The following ARFGEF2 variants were observed in gnomAD, a reference collection of about 807,000 sequenced individuals.
ARFGEF2 encodes the protein brefeldin A-inhibited guanine nucleotide-exchange protein 2.
ARFGEF2 carries 74 observed loss-of-function variants against 219.9 expected under a neutral mutation model. That is an observed-to-expected ratio of 0.34 (90% CI 0.28 to 0.41). ARFGEF2 has a LOEUF of 0.41. Among genes scored for constraint, ARFGEF2 ranks in the 10% least tolerant of loss-of-function variants. The pLI, the probability that ARFGEF2 is intolerant of heterozygous loss-of-function variation, is 1.00. For synonymous variants in ARFGEF2, 733 were observed against 799.2 expected, an observed-to-expected ratio of 0.92 and a Z score of 1.40; for missense variants, 1,743 against 2,218.3, an observed-to-expected ratio of 0.79 and a Z score of 4.30.
intron 6 of ARFGEF2, among the ~76,000 whole-genome samples, chr20:48,954,943 T>C (rs2091097339): frequency 6.6e-6 from 1 of 152,194 alleles, no homozygotes; most frequent in Non-Finnish European, 1.5e-5. Flanking sequence ...CTGTGATCAG[T>C]CAATAAATAT....
rs539237008 is a variant in ARFGEF2 at position 48,993,666 on chromosome 20, G to T, written c.2974-785G>T. Among the ~76,000 whole-genome samples the T allele has an allele frequency of 1.4e-4, 21 of 152,288 alleles. No homozygotes were observed. The South Asian group carries it at 4.4e-3, about 32-fold the overall frequency. On this transcript the variant is annotated intron_variant, in intron 21 of 38. Transcript: ENST00000371917. Reference sequence around the variant, plus strand: ...CATGTAGCCAGTGTTTCCTCTGACAGAAGTTGGGACCAGTTTCTGTTTCTA... The same window carrying T: ...CATGTAGCCAGTGTTTCCTCTGACATAAGTTGGGACCAGTTTCTGTTTCTA...
intron 1 of ARFGEF2, 35 bp downstream of exon 1, chr20:48,922,045 C>T: frequency 1.3e-6 from 2 of 1,561,888 alleles, no homozygotes. Context: ...CCCGCGCTGG[C>T]CTCAGCACGT....
At chr20:48,965,060 T>C (rs1348083749) in intron 7 of ARFGEF2, among the ~76,000 whole-genome samples, 1 of 152,230 alleles carries the variant, frequency 6.6e-6, no homozygotes, top group Non-Finnish European at 1.5e-5. Context: ...TATATACATA[T>C]TCTATTATTT....
At chr20:48,994,662 C>T in intron 22 of ARFGEF2, 64 bp downstream of exon 22, 6 of 1,597,828 alleles carry the variant, frequency 3.8e-6, no homozygotes, top group Non-Finnish European at 5.1e-6. Flanking sequence ...TGAAACCCTT[C>T]TTGTCTCATC....
At chr20:48,958,677 C>T (rs1186401631) in intron 6 of ARFGEF2, among the ~76,000 whole-genome samples, 2 of 152,054 alleles carry the variant, frequency 1.3e-5, no homozygotes, top group African/African-American at 4.8e-5. Flanking sequence ...CTCCTGACCT[C>T]GTGATCTGCC....
intron 6 of ARFGEF2, among the ~76,000 whole-genome samples, chr20:48,960,379 A>C (rs2091139664): frequency 6.6e-6 from 1 of 152,228 alleles, no homozygotes. Flanking sequence ...CCAGTGAGTC[A>C]GTGAGTGAGC....
At chr20:48,999,987 A>G (rs2091415467) in intron 25 of ARFGEF2, among the ~76,000 whole-genome samples, 2 of 152,186 alleles carry the variant, frequency 1.3e-5, no homozygotes, top group South Asian at 2.1e-4. Context: ...GTAGTCTACC[A>G]TTGGGGTATA....
At chr20:48,962,573 G>T (rs2091160501) in intron 6 of ARFGEF2, among the ~76,000 whole-genome samples, 1 of 152,178 alleles carries the variant, frequency 6.6e-6, no homozygotes, top group Non-Finnish European at 1.5e-5. Flanking sequence ...GAGTAACAGT[G>T]ATCTAGTCTA....
In ARFGEF2 at chr20:48,999,102, G is replaced by T. The variant is rs972722309; in HGVS notation, c.3432+597G>T. 4 of 326,446 alleles carry T rather than the reference G, an allele frequency of 1.2e-5. No individual in the cohort carries two copies. The Admixed American group carries it at 1.8e-4, about 15-fold the overall frequency. 20.2% of individuals were successfully genotyped at this position (326,446 alleles called of 1,614,324 possible). A position where few individuals can be genotyped will look rare whatever the true frequency, so the allele number is the denominator to read the frequency against. ...AATGCAAAAAAATTAGCTGGGCGTG[G>T]TGGTGTGCACCTGTAATCCCAGCTA... is the stretch of plus-strand genomic sequence containing the variant. On this transcript the variant is annotated intron_variant, in intron 25 of 38. Coordinates refer to ENST00000371917, the MANE Select transcript of ARFGEF2 (RefSeq NM_006420.3).
At chr20:48,987,004 T>A (rs950248430) in intron 16 of ARFGEF2, among the ~76,000 whole-genome samples, 6 of 152,224 alleles carry the variant, frequency 3.9e-5, no homozygotes, top group African/African-American at 1.4e-4. Flanking sequence ...CACACCTGAT[T>A]GAAACATTTT....
In ARFGEF2 at chr20:49,006,922, C is replaced by T. The variant is rs570433012; in HGVS notation, c.3584+1701C>T. Among the ~76,000 whole-genome samples the T allele has an allele frequency of 1.7e-4, 26 of 151,762 alleles. No individual in the cohort carries two copies. The South Asian group carries it at 2.7e-3, about 16-fold the overall frequency. On this transcript the variant is annotated intron_variant, in intron 26 of 38. Transcript: ENST00000371917. ...CGGAGTCTCTCCTGACCTCATGATC[C>T]GCCCACCTGGGCCTCCCAAAGTGCT...
intron 34 of ARFGEF2, among the ~76,000 whole-genome samples, chr20:49,019,853 G>A (rs2091555017): frequency 6.6e-6 from 1 of 152,034 alleles, no homozygotes; most frequent in Non-Finnish European, 1.5e-5. Flanking sequence ...TGGTTTGGAG[G>A]AGCTCTTATG....
In ARFGEF2 at chr20:49,019,178, G is replaced by A. The variant is rs730543; in HGVS notation, c.4624+180G>A. ...ACCTTTCCAGAGTCATTTTATCCAT[G>A]TGCAGGCAAGTACATGCACATATAC... is the stretch of plus-strand genomic sequence containing the variant. On this transcript the variant is annotated intron_variant, in intron 34 of 38. Coordinates refer to ENST00000371917, the MANE Select transcript of ARFGEF2 (RefSeq NM_006420.3). Among the ~76,000 whole-genome samples, 91,411 of 151,926 alleles carry A rather than the reference G, an allele frequency of 0.6. 27,566 individuals are homozygous for A. Among genetic ancestry groups the A allele is most frequent in the East Asian group, 0.66 (3,420 of 5,168 alleles).
At chr20:48,942,840 C>G (rs2091002216) in intron 3 of ARFGEF2, among the ~76,000 whole-genome samples, 1 of 152,104 alleles carries the variant, frequency 6.6e-6, no homozygotes, top group African/African-American at 2.4e-5. Flanking sequence ...ATCTTTGTTC[C>G]TGGAGGAACT....
Position 49,035,113 on chromosome 20 carries a change from T to C in ARFGEF2, c.*1914T>C, listed in dbSNP as rs937969029. On this transcript the variant is annotated 3_prime_UTR_variant, in exon 39 of 39. Transcript: ENST00000371917. The stretch of plus-strand genomic sequence containing the variant: ...AACAAGTCAGTCGTCTCCATTGATA[T>C]TTGTACAAAAGGTATACATGGGGAA... The C allele has an allele frequency of 3.3e-5, 5 of 152,212 alleles. No homozygotes were observed. Among genetic ancestry groups the C allele is most frequent in the African/African-American group, 1.2e-4 (5 of 41,450 alleles). The allele number at this position is 152,212 out of a possible 1,614,324, so 9.4% of individuals were successfully genotyped here.
At chr20:48,957,789 C>T (rs767746533) in intron 6 of ARFGEF2, among the ~76,000 whole-genome samples, 10 of 152,188 alleles carry the variant, frequency 6.6e-5, no homozygotes, top group Non-Finnish European at 1.5e-4. Context: ...GCTCCCTCTT[C>T]AGGAACCTTC....
chr20:48,948,835 G>T (rs1046820001), intron 3 of ARFGEF2, among the ~76,000 whole-genome samples: 1 of 152,238 alleles, frequency 6.6e-6, no homozygotes, highest in African/African-American at 2.4e-5. Context: ...GCCGCTCATT[G>T]CGTTAGCAAG....
chr20:49,020,432 GA>G (rs1275254037), intron 34 of ARFGEF2, among the ~76,000 whole-genome samples: 9 of 152,266 alleles, frequency 5.9e-5, no homozygotes, highest in Non-Finnish European at 1.3e-4. Flanking sequence ...CCCAGTGATA[GA>G]ATGATACCTT....
At chr20:48,953,522 CA>C (rs748117656) in intron 5 of ARFGEF2, 33 bp from the exon 6 acceptor site, 13 of 1,601,278 alleles carry the variant, frequency 8.1e-6, no homozygotes, top group Non-Finnish European at 1.1e-5. Context: ...TCTTCCTTAC[CA>C]AAATGCTGTA....
Sources: allele counts gnomAD v4.1 joint callset (sites outside exome capture counted in the v4.1 genomes callset), GRCh38; gene constraint gnomAD v4.1.1; transcripts MANE v1.5; gene names NCBI Gene and HGNC (gene_info 2026-07-23, HGNC 2026-07-21).